The following SIPA1L2 variants were observed in gnomAD, a reference collection of about 807,000 sequenced individuals.
SIPA1L2 encodes signal induced proliferation associated 1 like 2.
A neutral mutation model predicts 163.9 loss-of-function variants in SIPA1L2; 56 were observed. The observed-to-expected ratio is 0.34, with a 90% CI of 0.28 to 0.43. The LOEUF is 0.43. Among genes scored for constraint, SIPA1L2 ranks in the 20% least tolerant of loss-of-function variants. The probability of loss-of-function intolerance (pLI) is 1.00; values close to 1 mark genes in which losing one functional copy is unlikely to be tolerated. For synonymous variants in SIPA1L2, 877 were observed against 865.7 expected, an observed-to-expected ratio of 1.01 and a Z score of -0.23; for missense variants, 1,974 against 2,193.5, an observed-to-expected ratio of 0.90 and a Z score of 2.00.
At chr1:232,501,234 G>C (rs1253348846) in intron 3 of SIPA1L2, among the ~76,000 whole-genome samples, 1 of 151,802 alleles carries the variant, frequency 6.6e-6, no homozygotes, top group Non-Finnish European at 1.5e-5. Context: ...ATGCAATGAA[G>C]CATTTACATT....
At chr1:232,477,336 C>G (rs1252493942) in intron 7 of SIPA1L2, among the ~76,000 whole-genome samples, 1 of 152,156 alleles carries the variant, frequency 6.6e-6, no homozygotes, top group Non-Finnish European at 1.5e-5. Context: ...ACAGTAACAA[C>G]TAAAACTTAG....
chr1:232,503,596 C>T (rs1666585241), intron 3 of SIPA1L2, among the ~76,000 whole-genome samples: 1 of 152,240 alleles, frequency 6.6e-6, no homozygotes, highest in Non-Finnish European at 1.5e-5. Flanking sequence ...AGGCCACAAA[C>T]AACTGTGCAC....
At chr1:232,511,031 A>G (rs182806159) in intron 3 of SIPA1L2, among the ~76,000 whole-genome samples, 74 of 152,344 alleles carry the variant, frequency 4.9e-4, no homozygotes, top group Admixed American at 4.6e-3. Flanking sequence ...GGCTTCATCA[A>G]TAAAAATAAC....
chr1:232,453,141 CATT>C (rs1275546601), intron 10 of SIPA1L2, among the ~76,000 whole-genome samples: 2 of 152,110 alleles, frequency 1.3e-5, no homozygotes, highest in African/African-American at 4.8e-5. Context: ...CAATATATAT[CATT>C]ATCCCATTAT....
chr1:232,462,596 C>T (rs12140287), intron 9 of SIPA1L2, among the ~76,000 whole-genome samples: 27,747 of 152,126 alleles, frequency 0.18, 2,708 homozygotes, highest in Non-Finnish European at 0.21. Flanking sequence ...AGAATATTGA[C>T]GTTTCTAAAG....
At chr1:232,628,072 C>A (rs1573197965) in intron 1 of SIPA1L2, among the ~76,000 whole-genome samples, 1 of 152,328 alleles carries the variant, frequency 6.6e-6, no homozygotes, top group Non-Finnish European at 1.5e-5. Flanking sequence ...AGTTTGCCTA[C>A]CTAGGCAAGA....
intron 2 of SIPA1L2, among the ~76,000 whole-genome samples, chr1:232,519,003 T>C (rs1216194852): frequency 2.0e-5 from 3 of 152,122 alleles, no homozygotes; most frequent in Non-Finnish European, 2.9e-5. Flanking sequence ...TATAACTTTG[T>C]AGAAAATCAC....
rs180870937 is a variant in SIPA1L2 at position 232,449,293 on chromosome 1, C to T, written c.3096-3507G>A. 3.7e-3 allele frequency among the ~76,000 whole-genome samples: 565 copies of T among 151,104 alleles called. 5 individuals are homozygous for T. Among genetic ancestry groups the T allele is most frequent in the African/African-American group, 0.013 (525 of 41,154 alleles). ...CAGCACTTTGGGGGGCCGAGGTGGG[C>T]GGATCACGAGGTCAGGAGATTGAGA... is the stretch of plus-strand genomic sequence containing the variant. On this transcript the variant is annotated intron_variant, in intron 10 of 22. Coordinates refer to ENST00000674635, the MANE Select transcript of SIPA1L2 (RefSeq NM_020808.5).
chr1:232,539,671 T>A (rs1390046959), intron 2 of SIPA1L2, among the ~76,000 whole-genome samples: 1 of 152,100 alleles, frequency 6.6e-6, no homozygotes, highest in Non-Finnish European at 1.5e-5. Flanking sequence ...TCTTCTCTCA[T>A]TCTGTGCTCT....
rs77793331 is a variant in SIPA1L2 at position 232,557,442 on chromosome 1, A to G, written c.-270+16732T>C. 8.6e-3 allele frequency among the ~76,000 whole-genome samples: 1,303 copies of G among 152,274 alleles called. 21 individuals are homozygous for G. Among genetic ancestry groups the G allele is most frequent in the African/African-American group, 0.03 (1,237 of 41,548 alleles). ...TCCTTGTGTGTTTCTTTCTATGCAA[A>G]TCATTCACTATCTTAACCCCACAAC... is the stretch of plus-strand genomic sequence containing the variant. On this transcript the variant is annotated intron_variant, in intron 2 of 22. Transcript: ENST00000674635.
At chr1:232,607,762 A>T (rs369645667) in intron 1 of SIPA1L2, among the ~76,000 whole-genome samples, 30 of 150,438 alleles carry the variant, frequency 2.0e-4, no homozygotes, top group African/African-American at 5.4e-4. Context: ...CTCTTTTTTA[A>T]AAAAAAAAAA....
At chr1:232,501,822 C>T (rs1379837053) in intron 3 of SIPA1L2, among the ~76,000 whole-genome samples, 1 of 152,180 alleles carries the variant, frequency 6.6e-6, no homozygotes, top group Non-Finnish European at 1.5e-5. Flanking sequence ...CTACCCTCTT[C>T]CCGTGACCAC....
intron 5 of SIPA1L2, among the ~76,000 whole-genome samples, chr1:232,485,477 A>C (rs1184490883): frequency 6.6e-6 from 1 of 152,238 alleles, no homozygotes; most frequent in Non-Finnish European, 1.5e-5. Context: ...TGATCAACTC[A>C]ATTATCTAAG....
At chr1:232,532,030 T>C (rs531454834) in intron 2 of SIPA1L2, among the ~76,000 whole-genome samples, 276 of 152,268 alleles carry the variant, frequency 1.8e-3, no homozygotes, top group South Asian at 5.2e-3. Context: ...TGGACAGTTC[T>C]AAGCAGAGGA....
At position 232,398,784 on chromosome 1, in the gene SIPA1L2, T is replaced by C. The variant is rs886871263; in HGVS notation, c.*343A>G. ...TTTACATCTCTACCAGGTCACCTGATATACAGGAAATAAAACTCAACTATC... is the reference window on the plus strand; with the variant it reads ...TTTACATCTCTACCAGGTCACCTGACATACAGGAAATAAAACTCAACTATC... On this transcript the variant is annotated 3_prime_UTR_variant, in exon 23 of 23. Coordinates refer to ENST00000674635, the MANE Select transcript of SIPA1L2 (RefSeq NM_020808.5). The C allele has an allele frequency of 1.9e-5, 4 of 207,718 alleles. No homozygotes were observed. The highest frequency in any genetic ancestry group is 1.2e-4 in the South Asian group (1 of 8,372). 12.9% of individuals were successfully genotyped at this position (207,718 alleles called of 1,614,324 possible).
At chr1:232,431,771 A>G (rs1183761810) in intron 16 of SIPA1L2, among the ~76,000 whole-genome samples, 1 of 152,248 alleles carries the variant, frequency 6.6e-6, no homozygotes, top group Non-Finnish European at 1.5e-5. Context: ...AAACAGATAC[A>G]AAGCATCCTT....
chr1:232,431,320 A>AT (rs918364929), intron 16 of SIPA1L2, among the ~76,000 whole-genome samples: 6 of 152,198 alleles, frequency 3.9e-5, no homozygotes, highest in Non-Finnish European at 7.3e-5. Flanking sequence ...GACTGACATG[A>AT]TTTTTTTAAC....
In SIPA1L2 at chr1:232,490,875, C is replaced by T; in HGVS notation, c.1805G>A (p.Gly602Glu). ...CATACAATCTCACATTATACACACCCCTTGTTCATCAAGCTTGAGCAGCTG... is the reference window on the plus strand; with the variant it reads ...CATACAATCTCACATTATACACACCTCTTGTTCATCAAGCTTGAGCAGCTG... The part of the protein sequence containing the change: ...SEQLLKLDEQ[G>E]LSFQHKIGIL... The change falls in exon 5 of 23, where the codon GGG becomes GAG. Residue 602 changes from glycine to glutamate, a missense_variant and splice_region_variant. Gly to Glu is a moderately conservative substitution (Grantham distance 98, BLOSUM62 -2). Transcript: ENST00000674635. 1.9e-6 allele frequency: 3 copies of T among 1,612,888 alleles called. No homozygotes were observed. Among genetic ancestry groups the T allele is most frequent in the Non-Finnish European group, 2.5e-6 (3 of 1,179,486 alleles).
At position 232,630,107 on chromosome 1, in the gene SIPA1L2, C is replaced by A. The variant is rs1345959722; in HGVS notation, c.-557G>T. 1.3e-5 allele frequency among the ~76,000 whole-genome samples: 2 copies of A among 151,136 alleles called. No individual in the cohort carries two copies. Among genetic ancestry groups the A allele is most frequent in the Non-Finnish European group, 3.0e-5 (2 of 67,630 alleles). On this transcript the variant is annotated 5_prime_UTR_variant, in exon 1 of 23. Coordinates refer to ENST00000674635, the MANE Select transcript of SIPA1L2 (RefSeq NM_020808.5). ...CTCCGTCCTCCTCCTCCTCTCGCTC[C>A]GCCAGCTCCTCCCGGGCTCCCAGTC...
Sources: gnomAD v4.1 joint callset for allele counts (sites outside exome capture counted in the v4.1 genomes callset) on GRCh38, gnomAD v4.1.1 for gene constraint, MANE v1.5 for transcripts, NCBI Gene and HGNC (gene_info 2026-07-23, HGNC 2026-07-21) for gene names.